The following ZSWIM5 variants were observed in gnomAD, a reference collection of about 807,000 sequenced individuals.
The protein encoded by ZSWIM5 is zinc finger SWIM-type containing 5.
In ZSWIM5, 55 loss-of-function variants were observed where a neutral mutation model predicts 119.6. The observed-to-expected ratio is 0.46, with a 90% confidence interval of 0.37 to 0.58. The LOEUF (loss-of-function observed/expected upper bound fraction) is 0.58. ZSWIM5 is among the 20% of genes least tolerant of loss of function. The pLI is 0.00. For synonymous variants in ZSWIM5, 537 were observed against 606.9 expected, an observed-to-expected ratio of 0.88 and a Z score of 1.69; for missense variants, 1,193 against 1,512.8, an observed-to-expected ratio of 0.79 and a Z score of 3.51.
chr1:45,081,592 C>T (rs1336785989), intron 2 of ZSWIM5, among the ~76,000 whole-genome samples: 1 of 152,248 alleles, frequency 6.6e-6, no homozygotes, highest in African/African-American at 2.4e-5. Flanking sequence ...GGATTGCAGA[C>T]GGAGTCTGGT....
At chr1:45,035,409 G>A (rs1045107230) in intron 10 of ZSWIM5, among the ~76,000 whole-genome samples, 1 of 152,076 alleles carries the variant, frequency 6.6e-6, no homozygotes, top group Admixed American at 6.6e-5. Context: ...CCACTGAACA[G>A]GAAGACTCAG....
chr1:45,034,242 A>G, intron 11 of ZSWIM5, 70 bp downstream of exon 11: 1 of 1,496,584 alleles, frequency 6.7e-7, no homozygotes, highest in South Asian at 1.4e-5. Context: ...ACTGCAGGCC[A>G]AGCCTTTGAC....
chr1:45,105,784 G>A (rs1645469762), intron 1 of ZSWIM5, among the ~76,000 whole-genome samples: 1 of 145,818 alleles, frequency 6.9e-6, no homozygotes, highest in South Asian at 2.2e-4. Flanking sequence ...GTCTCTGCCT[G>A]GCTGCCCATT....
At chr1:45,071,183 G>A (rs944640121) in intron 2 of ZSWIM5, among the ~76,000 whole-genome samples, 29 of 151,826 alleles carry the variant, frequency 1.9e-4, no homozygotes, top group South Asian at 2.1e-4. Context: ...GACTATAATC[G>A]TCCTGTTGTG....
intron 1 of ZSWIM5, among the ~76,000 whole-genome samples, chr1:45,111,054 TAA>T (rs2149023413): frequency 6.6e-6 from 1 of 152,280 alleles, no homozygotes; most frequent in South Asian, 2.1e-4. Flanking sequence ...GACAGACAAG[TAA>T]ACATTTATAA....
At chr1:45,027,015 T>A (rs75481606) in intron 11 of ZSWIM5, among the ~76,000 whole-genome samples, 11 of 133,172 alleles carry the variant, frequency 8.3e-5, no homozygotes, top group East Asian at 4.4e-4. Flanking sequence ...GTTGTTCAAA[T>A]TTTTTTTTTA....
chr1:45,036,607 G>A (rs1644986136), intron 8 of ZSWIM5, among the ~76,000 whole-genome samples: 1 of 151,786 alleles, frequency 6.6e-6, no homozygotes, highest in Non-Finnish European at 1.5e-5. Flanking sequence ...TGCCTACCTC[G>A]GCCTCCGAAT....
At chr1:45,102,867 A>G (rs1645448082) in intron 1 of ZSWIM5, among the ~76,000 whole-genome samples, 1 of 151,986 alleles carries the variant, frequency 6.6e-6, no homozygotes, top group Non-Finnish European at 1.5e-5. Flanking sequence ...TTATTTATTT[A>G]TTTATTTGGT....
intron 1 of ZSWIM5, among the ~76,000 whole-genome samples, chr1:45,115,324 G>C (rs983160998): frequency 2.0e-5 from 3 of 151,052 alleles, no homozygotes; most frequent in Admixed American, 6.6e-5. Context: ...GGGTGGAGAC[G>C]CTCCTCATTT....
At chr1:45,117,646 G>T (rs986600481) in intron 1 of ZSWIM5, among the ~76,000 whole-genome samples, 6 of 152,116 alleles carry the variant, frequency 3.9e-5, no homozygotes, top group African/African-American at 1.4e-4. Flanking sequence ...ACTCTAGCCT[G>T]GTTAACAGAG....
intron 1 of ZSWIM5, among the ~76,000 whole-genome samples, chr1:45,170,560 G>GAA (rs1245158628): frequency 1.3e-5 from 2 of 151,652 alleles, no homozygotes; most frequent in African/African-American, 2.4e-5. Flanking sequence ...AAATAGCTGG[G>GAA]ATTACAGGCA....
chr1:45,145,522 G>A (rs750633210), intron 1 of ZSWIM5, among the ~76,000 whole-genome samples: 41 of 151,882 alleles, frequency 2.7e-4, no homozygotes, highest in Non-Finnish European at 5.1e-4. Context: ...CAACTTAGAG[G>A]AATATATCAA....
At chr1:45,038,144 C>G (rs1004879832) in intron 8 of ZSWIM5, among the ~76,000 whole-genome samples, 2 of 152,164 alleles carry the variant, frequency 1.3e-5, no homozygotes, top group African/African-American at 4.8e-5. Flanking sequence ...CTATTCTTGG[C>G]TACTCTAATA....
At chr1:45,130,035 T>C (rs1348928553) in intron 1 of ZSWIM5, among the ~76,000 whole-genome samples, 1 of 152,150 alleles carries the variant, frequency 6.6e-6, no homozygotes, top group African/African-American at 2.4e-5. Flanking sequence ...GTAGCTGGAA[T>C]TACAGGTGCC....
chr1:45,196,827 T>G (rs1481514690), intron 1 of ZSWIM5, among the ~76,000 whole-genome samples: 1 of 152,180 alleles, frequency 6.6e-6, no homozygotes, highest in African/African-American at 2.4e-5. Flanking sequence ...TCATTAACAT[T>G]TCCATCACCC....
Position 45,018,084 on chromosome 1 carries a change from G to A in ZSWIM5, c.*370C>T. 1 of 264,600 alleles carries A rather than the reference G, an allele frequency of 3.8e-6. No individual in the cohort carries two copies. The allele number at this position is 264,600 out of a possible 1,614,324, so 16.4% of individuals were successfully genotyped here. ...ATTAGCAACACATATAGTATTTACA[G>A]TCCCACAAATGTGTCTGTTTCTCTG... On this transcript the variant is annotated 3_prime_UTR_variant, in exon 14 of 14. Coordinates refer to ENST00000359600, the MANE Select transcript of ZSWIM5 (RefSeq NM_020883.2). The surrounding 1 kb of genome is among the most constrained non-coding windows in gnomAD (Gnocchi z 6.7).
intron 1 of ZSWIM5, among the ~76,000 whole-genome samples, chr1:45,189,124 G>A (rs1441281039): frequency 6.6e-6 from 1 of 152,118 alleles, no homozygotes; most frequent in Admixed American, 6.6e-5. Context: ...AGACCAGCCT[G>A]ACCAACATGG....
At chr1:45,127,934 C>G (rs1271924796) in intron 1 of ZSWIM5, among the ~76,000 whole-genome samples, 3 of 152,042 alleles carry the variant, frequency 2.0e-5, no homozygotes, top group Admixed American at 6.5e-5. Context: ...AAAACATATA[C>G]AGAACTTTTA....
At chr1:45,159,569 A>ATAT (rs2149040816) in intron 1 of ZSWIM5, among the ~76,000 whole-genome samples, 1 of 152,056 alleles carries the variant, frequency 6.6e-6, no homozygotes, top group Non-Finnish European at 1.5e-5. Flanking sequence ...CAATCTGGAG[A>ATAT]GGTTATTGAG....
Sources: gnomAD v4.1 joint callset for allele counts (sites outside exome capture counted in the v4.1 genomes callset) on GRCh38, gnomAD v4.1.1 for gene constraint, Gnocchi (gnomAD v3.1) non-coding constraint, MANE v1.5 for transcripts, NCBI Gene and HGNC (gene_info 2026-07-23, HGNC 2026-07-21) for gene names.